The following CUX1 variants were observed in gnomAD, a reference collection of about 807,000 sequenced individuals.
The protein encoded by CUX1 is cut like homeobox 1, also known as protein CASP.
A neutral mutation model predicts 158.8 loss-of-function variants in CUX1; 31 were observed. That is an observed-to-expected ratio of 0.20 (90% confidence interval 0.15 to 0.26). The LOEUF is 0.26. CUX1 is among the 10% of genes least tolerant of loss of function. CUX1 has a pLI of 1.00. For synonymous variants in CUX1, 879 were observed against 862.1 expected, an observed-to-expected ratio of 1.02 and a Z score of -0.34; for missense variants, 1,589 against 2,014.6, an observed-to-expected ratio of 0.79 and a Z score of 4.04.
intron 1 of CUX1, among the ~76,000 whole-genome samples, chr7:101,878,636 A>G (rs1456315093): frequency 6.6e-6 from 1 of 152,144 alleles, no homozygotes; most frequent in Non-Finnish European, 1.5e-5. Context: ...CTATTAATAA[A>G]GAGAAAAAAA....
intron 1 of CUX1, among the ~76,000 whole-genome samples, chr7:101,836,730 C>T (rs1428060910): frequency 6.6e-5 from 10 of 151,382 alleles, no homozygotes; most frequent in East Asian, 1.9e-4. Context: ...TCCTTCCCCA[C>T]GGCCAGTGGG....
chr7:102,212,422 GC>G (rs1796635042), intron 20 of CUX1, among the ~76,000 whole-genome samples: 1 of 152,074 alleles, frequency 6.6e-6, no homozygotes, highest in Non-Finnish European at 1.5e-5. Context: ...CCAGAACTCG[GC>G]CCCCCAAAGT....
chr7:101,946,544 C>CA (rs386410843), intron 2 of CUX1, among the ~76,000 whole-genome samples: 48,729 of 77,994 alleles, frequency 0.62, 15,513 homozygotes, highest in Non-Finnish European at 0.74. Context: ...GACTCCGTCT[C>CA]AAAAAAAAAA....
intron 5 of CUX1, among the ~76,000 whole-genome samples, chr7:102,103,744 T>C (rs934531242): frequency 6.8e-6 from 1 of 146,162 alleles, no homozygotes; most frequent in African/African-American, 2.6e-5. Flanking sequence ...CTGTAGACTT[T>C]CATCTTTTTT....
chr7:101,987,423 A>T (rs1814467322), intron 2 of CUX1, among the ~76,000 whole-genome samples: 1 of 152,200 alleles, frequency 6.6e-6, no homozygotes, highest in South Asian at 2.1e-4. Flanking sequence ...AGCGGAAGAA[A>T]TGGTGAGTCC....
At chr7:101,862,371 C>T (rs1028700572) in intron 1 of CUX1, among the ~76,000 whole-genome samples, 3 of 151,950 alleles carry the variant, frequency 2.0e-5, no homozygotes, top group Non-Finnish European at 2.9e-5. Flanking sequence ...TTGTCGTAGG[C>T]GGGACTTGCA....
rs201456 is a variant in CUX1, at chr7:102,097,779, C to G, written c.406+278C>G. On this transcript the variant is annotated intron_variant, in intron 5 of 23. Transcript: ENST00000292535. ...TTTGAAAATTCTTCCCGTATCATTA[C>G]GTGATTGGGTCTGCCTCTTGAAAGG... Among the ~76,000 whole-genome samples, 92,080 of 152,106 alleles carry G rather than the reference C, an allele frequency of 0.61. 29,743 individuals carry two copies. The highest frequency in any genetic ancestry group is 0.79 in the African/African-American group (32,685 of 41,512).
intron 20 of CUX1, among the ~76,000 whole-genome samples, chr7:102,213,379 T>C (rs1276539425): frequency 6.6e-6 from 1 of 152,238 alleles, no homozygotes; most frequent in African/African-American, 2.4e-5. Flanking sequence ...AGTAAGACTA[T>C]AGGGCCTAGG....
intron 1 of CUX1, among the ~76,000 whole-genome samples, chr7:101,820,757 G>A (rs972119228): frequency 6.6e-6 from 1 of 152,122 alleles, no homozygotes; most frequent in African/African-American, 2.4e-5. Flanking sequence ...CACAAAACCC[G>A]GAAGAATTGT....
At chr7:102,065,157 C>A (rs1365176954) in intron 3 of CUX1, among the ~76,000 whole-genome samples, 1 of 152,002 alleles carries the variant, frequency 6.6e-6, no homozygotes, top group Non-Finnish European at 1.5e-5. Context: ...TCATAGCTCA[C>A]TCCAGCCTTG....
At chr7:101,865,774 G>A (rs1797877314) in intron 1 of CUX1, among the ~76,000 whole-genome samples, 1 of 152,228 alleles carries the variant, frequency 6.6e-6, no homozygotes, top group Non-Finnish European at 1.5e-5. Context: ...ACGTTTTATG[G>A]TTTGTTGAGT....
intron 1 of CUX1, among the ~76,000 whole-genome samples, chr7:101,892,438 C>T (rs1262252399): frequency 2.0e-5 from 3 of 152,074 alleles, no homozygotes; most frequent in Non-Finnish European, 4.4e-5. Context: ...TTACTGTGGG[C>T]TTCTAATTAC....
rs1798282448 is a variant in CUX1, at chr7:101,869,726, G to A, written c.31-46389G>A. ...CGTGCGAGCCACAGCAGGTGGGCGG[G>A]AGCTCACAGGCTGCAGAGGAAGCGC... On this transcript the variant is annotated intron_variant, in intron 1 of 23. Transcript: ENST00000292535. This position sits in a 1 kb window ranked among gnomAD's most constrained non-coding sequence, Gnocchi z 4.5. 6.6e-6 allele frequency among the ~76,000 whole-genome samples: 1 copy of A among 152,192 alleles called. No individual in the cohort carries two copies. The highest frequency in any genetic ancestry group is 1.5e-5 in the Non-Finnish European group (1 of 68,036).
At chr7:101,826,459 C>T (rs1329172092) in intron 1 of CUX1, among the ~76,000 whole-genome samples, 1 of 152,044 alleles carries the variant, frequency 6.6e-6, no homozygotes, top group Non-Finnish European at 1.5e-5. Flanking sequence ...TCCTTGGTCT[C>T]CTAAAGTACT....
intron 2 of CUX1, among the ~76,000 whole-genome samples, chr7:101,975,719 A>G (rs998247926): frequency 2.0e-5 from 3 of 152,246 alleles, no homozygotes; most frequent in African/African-American, 4.8e-5. Flanking sequence ...TCGTCCATCA[A>G]CAGTGAGGTT....
chr7:101,823,537 G>A (rs1792922262), intron 1 of CUX1, among the ~76,000 whole-genome samples: 1 of 152,210 alleles, frequency 6.6e-6, no homozygotes, highest in African/African-American at 2.4e-5. Flanking sequence ...TTGACCGTGT[G>A]TGATTGATGC....
At chr7:102,166,633 C>T (rs371579498) in intron 9 of CUX1, among the ~76,000 whole-genome samples, 1 of 152,238 alleles carries the variant, frequency 6.6e-6, no homozygotes, top group Non-Finnish European at 1.5e-5. Context: ...GCTACGCTTA[C>T]TTCTCAGCTC....
chr7:101,972,525 G>A (rs911987927), intron 2 of CUX1, among the ~76,000 whole-genome samples: 1 of 152,226 alleles, frequency 6.6e-6, no homozygotes, highest in African/African-American at 2.4e-5. Flanking sequence ...CTTGAAGAGG[G>A]CCAGGAGCAC....
intron 2 of CUX1, among the ~76,000 whole-genome samples, chr7:102,016,664 A>G (rs1818628544): frequency 1.3e-5 from 2 of 152,186 alleles, no homozygotes; most frequent in South Asian, 4.1e-4. Context: ...CTTTAGTAGA[A>G]TTCTCTCATA....
Sources: allele counts gnomAD v4.1 joint callset (sites outside exome capture counted in the v4.1 genomes callset), GRCh38; gene constraint gnomAD v4.1.1; non-coding constraint Gnocchi (gnomAD v3.1); transcripts MANE v1.5; gene names NCBI Gene and HGNC (gene_info 2026-07-23, HGNC 2026-07-21).